The following KIAA1328 variants were observed in gnomAD, a reference collection of about 807,000 sequenced individuals.
The protein encoded by KIAA1328 is protein hinderin.
A neutral mutation model predicts 68.1 loss-of-function variants in KIAA1328; 52 were observed. That is an observed-to-expected ratio of 0.76 (90% CI 0.61 to 0.96). KIAA1328 has a LOEUF of 0.96. Ranked by LOEUF, KIAA1328 falls within the 40% of genes least tolerant of loss-of-function variation. The probability of loss-of-function intolerance (pLI) is 0.00; values close to 1 mark genes in which losing one functional copy is unlikely to be tolerated. For synonymous variants in KIAA1328, 232 were observed against 239.4 expected (o/e 0.97, Z 0.28); for missense variants, 641 against 677.6 (o/e 0.95, Z 0.60).
At chr18:37,100,869 C>T (rs1013980036) in intron 7 of KIAA1328, among the ~76,000 whole-genome samples, 7 of 152,142 alleles carry the variant, frequency 4.6e-5, no homozygotes, top group African/African-American at 9.7e-5. Flanking sequence ...CACCAATATC[C>T]GCTGTTCTGC....
At chr18:36,887,416 T>C (rs2048536984) in intron 5 of KIAA1328, among the ~76,000 whole-genome samples, 1 of 152,026 alleles carries the variant, frequency 6.6e-6, no homozygotes, top group Admixed American at 6.6e-5. Context: ...GGAGATTCAG[T>C]GGTTTAACAT....
chr18:36,873,221 G>A (rs1156554617), intron 4 of KIAA1328, among the ~76,000 whole-genome samples: 1 of 152,116 alleles, frequency 6.6e-6, no homozygotes, highest in Non-Finnish European at 1.5e-5. Context: ...AAGAAACCAG[G>A]TGGCATCTTC....
intron 3 of KIAA1328, among the ~76,000 whole-genome samples, chr18:36,839,446 A>G (rs1312540763): frequency 6.6e-6 from 1 of 152,136 alleles, no homozygotes; most frequent in Non-Finnish European, 1.5e-5. Context: ...TCGCTACTTG[A>G]CATGCTTTCT....
chr18:37,137,403 A>G (rs1443892465), intron 7 of KIAA1328, among the ~76,000 whole-genome samples: 2 of 152,020 alleles, frequency 1.3e-5, no homozygotes, highest in Non-Finnish European at 2.9e-5. Flanking sequence ...CTACTGCCCC[A>G]TGTTTTTCTT....
intron 1 of KIAA1328, 172 bp downstream of exon 1, chr18:36,829,368 AG>A (rs2046374944): frequency 5.1e-6 from 7 of 1,377,790 alleles, no homozygotes; most frequent in Non-Finnish European, 5.6e-6. Context: ...CTTGGGTGTT[AG>A]GTGGCCGAGA....
At chr18:37,045,154 T>C (rs1296422616) in intron 6 of KIAA1328, among the ~76,000 whole-genome samples, 1 of 152,192 alleles carries the variant, frequency 6.6e-6, no homozygotes, top group Admixed American at 6.5e-5. Context: ...AGAGGTCTTT[T>C]GAGGTATACC....
chr18:36,843,866 G>C (rs1353032774), intron 3 of KIAA1328, among the ~76,000 whole-genome samples: 1 of 152,126 alleles, frequency 6.6e-6, no homozygotes, highest in Non-Finnish European at 1.5e-5. Context: ...TAAGCAGCGT[G>C]GGGACTATGG....
chr18:37,178,678 G>A lies in KIAA1328; in HGVS notation c.1523+5597G>A, dbSNP rs1286674963. ...ATCCATACTATTTTTCATAATGGCT[G>A]TACTAATTTACATTCCGACCCAATA... On this transcript the variant is annotated intron_variant, in intron 9 of 9. Transcript: ENST00000280020. Among the ~76,000 whole-genome samples, 3 of 152,046 alleles carry A rather than the reference G, an allele frequency of 2.0e-5. No individual in the cohort carries two copies. The East Asian group carries it at 5.8e-4, about 29-fold the overall frequency.
intron 9 of KIAA1328, among the ~76,000 whole-genome samples, chr18:37,210,863 A>G (rs1242744464): frequency 1.3e-5 from 2 of 152,198 alleles, no homozygotes; most frequent in African/African-American, 4.8e-5. Flanking sequence ...CAAATCCTTT[A>G]GTCTTTCCTG....
chr18:37,160,521 G>A (rs535342313), intron 8 of KIAA1328, 140 bp downstream of exon 8: 59 of 655,448 alleles, frequency 9.0e-5, no homozygotes, highest in Middle Eastern at 4.3e-4. Context: ...AAGGCCACAG[G>A]TAACACATTT....
chr18:37,125,290 AGCC>A (rs2058364283), intron 7 of KIAA1328, among the ~76,000 whole-genome samples: 1 of 152,192 alleles, frequency 6.6e-6, no homozygotes, highest in Non-Finnish European at 1.5e-5. Context: ...ATTGCACTCC[AGCC>A]TGGGTGACAG....
rs116995826 is a variant in KIAA1328 at position 37,174,846 on chromosome 18, T to G, written c.1523+1765T>G. Among the ~76,000 whole-genome samples the G allele has an allele frequency of 1.4e-3, 215 of 152,104 alleles. 2 individuals are homozygous for G. The East Asian group carries it at 0.037, about 26-fold the overall frequency. ...CTGACCTTGTGATCTGTTTTTTTGGTATTTTTAATAGGGACAGGCTTTTAC... is the reference window on the plus strand; with the variant it reads ...CTGACCTTGTGATCTGTTTTTTTGGGATTTTTAATAGGGACAGGCTTTTAC... On this transcript the variant is annotated intron_variant, in intron 9 of 9. Transcript: ENST00000280020.
intron 4 of KIAA1328, among the ~76,000 whole-genome samples, chr18:36,846,606 C>G (rs2047037743): frequency 6.6e-6 from 1 of 151,470 alleles, no homozygotes. Context: ...TCCTCTAGAC[C>G]TTTTACAGTC....
chr18:36,989,757 C>T (rs1032514444), intron 6 of KIAA1328, among the ~76,000 whole-genome samples: 14 of 152,040 alleles, frequency 9.2e-5, no homozygotes, highest in Non-Finnish European at 2.1e-4. Flanking sequence ...TGCAGTGGCA[C>T]GATCTCGGCT....
chr18:37,091,348 C>T (rs1215714936), intron 7 of KIAA1328, among the ~76,000 whole-genome samples: 1 of 152,174 alleles, frequency 6.6e-6, no homozygotes, highest in Admixed American at 6.5e-5. Flanking sequence ...CCAGGAAGAA[C>T]TCCTCATTGG....
chr18:36,925,681 G>T (rs527414494), intron 5 of KIAA1328, among the ~76,000 whole-genome samples: 1 of 151,934 alleles, frequency 6.6e-6, no homozygotes, highest in Non-Finnish European at 1.5e-5. Flanking sequence ...GGGACTACAG[G>T]TGCATGCCAC....
chr18:37,117,873 G>T (rs2058159147), intron 7 of KIAA1328, among the ~76,000 whole-genome samples: 1 of 137,910 alleles, frequency 7.3e-6, no homozygotes, highest in African/African-American at 2.9e-5. Context: ...GACGTAGTTG[G>T]TTTAAAAAAA....
intron 7 of KIAA1328, among the ~76,000 whole-genome samples, chr18:37,120,484 A>G (rs920191087): frequency 6.6e-6 from 1 of 152,200 alleles, no homozygotes; most frequent in Non-Finnish European, 1.5e-5. Flanking sequence ...GTAATTATTT[A>G]GAATTCCTGG....
chr18:36,993,342 T>C (rs2053265135), intron 6 of KIAA1328, among the ~76,000 whole-genome samples: 1 of 152,234 alleles, frequency 6.6e-6, no homozygotes, highest in African/African-American at 2.4e-5. Flanking sequence ...TAGTGACAAG[T>C]ATTTATATAT....
Sources: gnomAD v4.1 joint callset for allele counts (sites outside exome capture counted in the v4.1 genomes callset) on GRCh38, gnomAD v4.1.1 for gene constraint, MANE v1.5 for transcripts, NCBI Gene and HGNC (gene_info 2026-07-23, HGNC 2026-07-21) for gene names.